Variants in ACOXL observed in about 807,000 individuals in gnomAD.
ACOXL encodes the protein acyl-coenzyme A oxidase-like protein.
ACOXL carries 70 observed loss-of-function variants against 71.9 expected under a neutral mutation model. That is an observed-to-expected ratio of 0.97 (90% confidence interval 0.80 to 1.19). The LOEUF (loss-of-function observed/expected upper bound fraction) is 1.19. ACOXL is among the 50% of genes most tolerant of loss of function. The pLI is 0.00. For synonymous variants in ACOXL, 253 were observed against 281.6 expected, an observed-to-expected ratio of 0.90 and a Z score of 1.02; for missense variants, 703 against 736.3, an observed-to-expected ratio of 0.95 and a Z score of 0.52.
rs1321566756 is a variant in ACOXL at position 111,117,862 on chromosome 2, G to T, written c.*46G>T. 1 of 1,523,454 alleles carries T rather than the reference G, an allele frequency of 6.6e-7. No homozygotes were observed. The highest frequency in any genetic ancestry group is 1.4e-5 in the African/African-American group (1 of 72,696). The allele number at this position is 1,523,454 out of a possible 1,614,324, so 94.4% of individuals were successfully genotyped here. A position where few individuals can be genotyped will look rare whatever the true frequency, so the allele number is the denominator to read the frequency against. On this transcript the variant is annotated 3_prime_UTR_variant, in exon 18 of 18. Coordinates refer to ENST00000439055, the MANE Select transcript of ACOXL (RefSeq NM_001142807.4). ...GTGGCCCGCCAGCAGCTGCCACGAC[G>T]CTCGCTCCACCGACGCCCAGAGCTG...
At chr2:110,746,276 A>G (rs987455913) in intron 1 of ACOXL, among the ~76,000 whole-genome samples, 1 of 151,840 alleles carries the variant, frequency 6.6e-6, no homozygotes, top group Non-Finnish European at 1.5e-5. Flanking sequence ...AACAGTGTCT[A>G]TGGGCTTATT....
intron 10 of ACOXL, among the ~76,000 whole-genome samples, chr2:110,890,230 C>A (rs1364086267): frequency 2.6e-5 from 4 of 152,114 alleles, no homozygotes; most frequent in African/African-American, 9.7e-5. Flanking sequence ...ATATGATTTG[C>A]AAATATCTTC....
chr2:110,810,295 AGATT>A (rs1175619541), intron 9 of ACOXL, among the ~76,000 whole-genome samples: 2 of 152,160 alleles, frequency 1.3e-5, no homozygotes, highest in East Asian at 3.8e-4. Context: ...TTCTTGTCAC[AGATT>A]GATCTCATTT....
At chr2:110,896,904 C>T (rs1285838950) in intron 10 of ACOXL, among the ~76,000 whole-genome samples, 1 of 152,036 alleles carries the variant, frequency 6.6e-6, no homozygotes, top group African/African-American at 2.4e-5. Flanking sequence ...TAGAACACTT[C>T]GTCCACCAAA....
At chr2:110,880,833 G>C (rs1696548637) in intron 10 of ACOXL, among the ~76,000 whole-genome samples, 1 of 152,080 alleles carries the variant, frequency 6.6e-6, no homozygotes, top group Non-Finnish European at 1.5e-5. Flanking sequence ...ACAACAACAA[G>C]ACTCCATCAA....
At chr2:111,032,025 T>G (rs918218943) in intron 15 of ACOXL, among the ~76,000 whole-genome samples, 1 of 152,184 alleles carries the variant, frequency 6.6e-6, no homozygotes, top group Non-Finnish European at 1.5e-5. Context: ...TGCCTGTCCC[T>G]CAGAAGTGGC....
At chr2:110,966,089 G>A (rs532166206) in intron 12 of ACOXL, among the ~76,000 whole-genome samples, 1 of 152,226 alleles carries the variant, frequency 6.6e-6, no homozygotes, top group Admixed American at 6.5e-5. Flanking sequence ...TCTTCCACTG[G>A]ATCCTTGACC....
chr2:110,755,565 C>T (rs1037000484), intron 1 of ACOXL, among the ~76,000 whole-genome samples: 7 of 152,106 alleles, frequency 4.6e-5, no homozygotes, highest in African/African-American at 1.7e-4. Context: ...CCTGTTTGCT[C>T]GAACAGTGTT....
intron 12 of ACOXL, among the ~76,000 whole-genome samples, chr2:110,964,956 C>T (rs1261750993): frequency 6.6e-6 from 1 of 152,134 alleles, no homozygotes; most frequent in Non-Finnish European, 1.5e-5. Context: ...GATTAATCAA[C>T]TTCTGTTCAT....
At chr2:110,797,684 T>G (rs1158907667) in intron 5 of ACOXL, among the ~76,000 whole-genome samples, 1 of 151,798 alleles carries the variant, frequency 6.6e-6, no homozygotes, top group Non-Finnish European at 1.5e-5. Context: ...CCAGAAGGAG[T>G]GAACACCAGC....
chr2:110,779,118 G>A (rs370363784), intron 2 of ACOXL, among the ~76,000 whole-genome samples: 20 of 152,330 alleles, frequency 1.3e-4, no homozygotes, highest in African/African-American at 4.6e-4. Flanking sequence ...ATAATGTCGT[G>A]AAAAGAGAAA....
chr2:110,933,317 GT>G (rs2060546689), intron 11 of ACOXL, among the ~76,000 whole-genome samples, 171 bp from the exon 12 acceptor site: 1 of 152,116 alleles, frequency 6.6e-6, no homozygotes, highest in Non-Finnish European at 1.5e-5. Context: ...CACTGGTAGC[GT>G]TTTAACTATG....
intron 1 of ACOXL, among the ~76,000 whole-genome samples, chr2:110,753,309 AT>A (rs1447605775): frequency 1.3e-5 from 2 of 152,334 alleles, no homozygotes; most frequent in Non-Finnish European, 2.9e-5. Flanking sequence ...TGTGAGCCAA[AT>A]AAACCTCTTT....
intron 15 of ACOXL, among the ~76,000 whole-genome samples, chr2:111,047,048 C>T (rs574411320): frequency 2.3e-4 from 35 of 152,268 alleles, no homozygotes; most frequent in African/African-American, 7.2e-4. Context: ...GGGACATCAT[C>T]GTACAAGAGT....
intron 9 of ACOXL, among the ~76,000 whole-genome samples, chr2:110,816,532 G>A (rs1687942970): frequency 6.6e-6 from 1 of 152,184 alleles, no homozygotes; most frequent in Non-Finnish European, 1.5e-5. Context: ...GTGTATCTGG[G>A]CAATGACTGT....
At chr2:110,984,854 G>A (rs1315625118) in intron 12 of ACOXL, among the ~76,000 whole-genome samples, 2 of 152,238 alleles carry the variant, frequency 1.3e-5, no homozygotes, top group Admixed American at 6.5e-5. Context: ...GCTCTGGGCA[G>A]TACATTGTCT....
chr2:111,043,429 G>A lies in ACOXL; in HGVS notation c.1370-5789G>A, dbSNP rs1251773024. ...TTCCCTGTTGTGTTATGAAAAAGAG[G>A]TGGGTGGGGGACTTCAGAAGCTGTC... On this transcript the variant is annotated intron_variant, in intron 15 of 17. Transcript: ENST00000439055. Among the ~76,000 whole-genome samples, 4 of 152,212 alleles carry A rather than the reference G, an allele frequency of 2.6e-5. No individual in the cohort carries two copies. In the East Asian group the frequency reaches 7.7e-4, roughly 29 times the overall value.
At chr2:110,830,538 ATT>A (rs1005173690) in intron 9 of ACOXL, among the ~76,000 whole-genome samples, 1 of 145,094 alleles carries the variant, frequency 6.9e-6, no homozygotes. Context: ...GTTTTGTATA[ATT>A]TTTTTTTTTT....
intron 10 of ACOXL, among the ~76,000 whole-genome samples, chr2:110,906,224 T>A (rs1182096320): frequency 6.6e-6 from 1 of 152,048 alleles, no homozygotes; most frequent in Non-Finnish European, 1.5e-5. Flanking sequence ...AGAAACAAAT[T>A]TTGATGAGAT....
Sources: allele counts gnomAD v4.1 joint callset (sites outside exome capture counted in the v4.1 genomes callset), GRCh38; gene constraint gnomAD v4.1.1; transcripts MANE v1.5; gene names NCBI Gene and HGNC (gene_info 2026-07-23, HGNC 2026-07-21).